Variants in SLC4A10 observed in about 807,000 individuals in gnomAD.
The protein encoded by SLC4A10 is sodium-driven chloride bicarbonate exchanger.
Under a neutral mutation model 137.7 loss-of-function variants are expected in SLC4A10, and 42 were observed. The ratio of observed to expected loss-of-function variants is 0.30; its 90% CI spans 0.24 to 0.39. The LOEUF (loss-of-function observed/expected upper bound fraction) is 0.39, where lower values mean the gene tolerates loss of function less well. Ranked by LOEUF, SLC4A10 falls within the 10% of genes least tolerant of loss-of-function variation. SLC4A10 has a pLI of 1.00. For synonymous variants in SLC4A10, 474 were observed against 464.1 expected, an observed-to-expected ratio of 1.02 and a Z score of -0.27; for missense variants, 925 against 1,355.0, an observed-to-expected ratio of 0.68 and a Z score of 4.98.
intron 3 of SLC4A10, among the ~76,000 whole-genome samples, chr2:161,811,982 G>A (rs1488558820): frequency 6.6e-6 from 1 of 152,010 alleles, no homozygotes. Context: ...AGATATGTAA[G>A]TTAACTGCAT....
chr2:161,971,828 G>GTA (rs1698592783), intron 23 of SLC4A10, among the ~76,000 whole-genome samples: 1 of 152,192 alleles, frequency 6.6e-6, no homozygotes, highest in African/African-American at 2.4e-5. Flanking sequence ...GCTATCTTTA[G>GTA]AGGTGATGAG....
chr2:161,720,966 T>A (rs2045594494), intron 1 of SLC4A10, among the ~76,000 whole-genome samples: 1 of 152,062 alleles, frequency 6.6e-6, no homozygotes, highest in South Asian at 2.1e-4. Context: ...GTAGCTGGGA[T>A]TACAGGCATG....
chr2:161,650,270 G>C (rs1051544931), intron 1 of SLC4A10, among the ~76,000 whole-genome samples: 2 of 152,214 alleles, frequency 1.3e-5, no homozygotes, highest in African/African-American at 4.8e-5. Context: ...ATTAGACTGG[G>C]GTTATGTGAT....
At chr2:161,941,756 C>G (rs1213908942) in intron 15 of SLC4A10, among the ~76,000 whole-genome samples, 4 of 152,052 alleles carry the variant, frequency 2.6e-5, no homozygotes, top group African/African-American at 7.2e-5. Flanking sequence ...CTGTTTAACC[C>G]TTAGGAACGA....
intron 2 of SLC4A10, among the ~76,000 whole-genome samples, chr2:161,798,327 G>A (rs1009699982): frequency 1.3e-4 from 20 of 151,898 alleles, no homozygotes; most frequent in African/African-American, 4.3e-4. Flanking sequence ...TTCATTTCAT[G>A]TAAAAAGCAA....
At chr2:161,885,075 G>T (rs2062140369) in intron 10 of SLC4A10, among the ~76,000 whole-genome samples, 1 of 152,162 alleles carries the variant, frequency 6.6e-6, no homozygotes, top group Non-Finnish European at 1.5e-5. Context: ...CTACTTGAGA[G>T]GCTGAGAGGG....
chr2:161,688,506 A>G (rs913893973), intron 1 of SLC4A10, among the ~76,000 whole-genome samples: 1 of 152,180 alleles, frequency 6.6e-6, no homozygotes, highest in Non-Finnish European at 1.5e-5. Flanking sequence ...CAACTATTAC[A>G]TTATTTCACG....
intron 1 of SLC4A10, among the ~76,000 whole-genome samples, chr2:161,668,451 C>T (rs1478044762): frequency 6.6e-6 from 1 of 151,648 alleles, no homozygotes; most frequent in Non-Finnish European, 1.5e-5. Flanking sequence ...AACAGTTTAC[C>T]CCAAAGTGGA....
intron 3 of SLC4A10, among the ~76,000 whole-genome samples, chr2:161,827,606 C>G (rs1399245916): frequency 1.3e-5 from 2 of 151,994 alleles, no homozygotes; most frequent in Non-Finnish European, 2.9e-5. Flanking sequence ...CTCTGTCAAC[C>G]AGGCTGGAGT....
chr2:161,907,841 T>G (rs1173753245), intron 15 of SLC4A10, among the ~76,000 whole-genome samples: 1 of 152,238 alleles, frequency 6.6e-6, no homozygotes, highest in African/African-American at 2.4e-5. Context: ...ATTACTGATA[T>G]AATTTTCAGT....
intron 13 of SLC4A10, 55 bp from the exon 14 acceptor site, chr2:161,904,721 C>T (rs185471641): frequency 3.8e-6 from 6 of 1,595,146 alleles, no homozygotes; most frequent in Middle Eastern, 3.4e-4. Flanking sequence ...TTCTCCTTAG[C>T]TACAATGGCC....
At chr2:161,653,371 G>A (rs1353490292) in intron 1 of SLC4A10, among the ~76,000 whole-genome samples, 1 of 152,028 alleles carries the variant, frequency 6.6e-6, no homozygotes, top group Non-Finnish European at 1.5e-5. Context: ...ACCCAGTAAT[G>A]GGATTGCTGG....
At chr2:161,813,929 T>A (rs2056803169) in intron 3 of SLC4A10, among the ~76,000 whole-genome samples, 1 of 151,974 alleles carries the variant, frequency 6.6e-6, no homozygotes, top group Admixed American at 6.6e-5. Context: ...TAAGCATGAG[T>A]ATTTTTTGAA....
At chr2:161,853,475 TCA>T (rs2059935300) in intron 4 of SLC4A10, among the ~76,000 whole-genome samples, 1 of 152,154 alleles carries the variant, frequency 6.6e-6, no homozygotes, top group African/African-American at 2.4e-5. Flanking sequence ...CCAGATTTAA[TCA>T]CAGACACATG....
At chr2:161,950,969 A>G in intron 19 of SLC4A10, 121 bp downstream of exon 19, 1 of 844,512 alleles carries the variant, frequency 1.2e-6, no homozygotes, top group Non-Finnish European at 1.7e-6. Flanking sequence ...ATGTTTTTAG[A>G]TGTATAATTT....
At chr2:161,666,698 G>A (rs2039083645) in intron 1 of SLC4A10, among the ~76,000 whole-genome samples, 1 of 151,650 alleles carries the variant, frequency 6.6e-6, no homozygotes, top group Admixed American at 6.6e-5. Flanking sequence ...ATTTAATATG[G>A]AAGGAGTTCT....
intron 3 of SLC4A10, among the ~76,000 whole-genome samples, chr2:161,831,886 G>C (rs1024879763): frequency 6.6e-6 from 1 of 152,020 alleles, no homozygotes; most frequent in African/African-American, 2.4e-5. Flanking sequence ...TGGCTGTTGG[G>C]AGACAAATCT....
intron 1 of SLC4A10, among the ~76,000 whole-genome samples, chr2:161,626,215 C>G (rs191380315): frequency 2.6e-5 from 4 of 152,008 alleles, no homozygotes; most frequent in African/African-American, 7.2e-5. Context: ...GGAACCTGTC[C>G]TAGAAAAGCA....
chr2:161,777,293 C>T (rs1397887811), intron 2 of SLC4A10, among the ~76,000 whole-genome samples: 1 of 151,706 alleles, frequency 6.6e-6, no homozygotes, highest in East Asian at 1.9e-4. Context: ...ATATTTTCTC[C>T]TATTCTATAT....
Sources: gnomAD v4.1 joint callset for allele counts (sites outside exome capture counted in the v4.1 genomes callset) on GRCh38, gnomAD v4.1.1 for gene constraint, MANE v1.5 for transcripts, NCBI Gene and HGNC (gene_info 2026-07-23, HGNC 2026-07-21) for gene names.